The following C4BPB variants were observed in gnomAD, a reference collection of about 807,000 sequenced individuals.
C4BPB encodes C4b-binding protein beta chain.
C4BPB carries 19 observed loss-of-function variants against 26.6 expected under a neutral mutation model. The observed-to-expected ratio is 0.71, with a 90% CI of 0.50 to 1.05. The LOEUF is 1.05. C4BPB is among the 50% of genes least tolerant of loss of function. The pLI is 0.00. For missense variants in C4BPB, 282 were observed against 302.9 expected (o/e 0.93, Z 0.51); for synonymous variants, 118 against 103.5 (o/e 1.14, Z -0.85).
chr1:207,092,484 G>A (rs764011622), intron 4 of C4BPB, among the ~76,000 whole-genome samples: 50 of 151,802 alleles, frequency 3.3e-4, no homozygotes, highest in Admixed American at 1.6e-3. Flanking sequence ...TCTATTGCCC[G>A]CTATTTAATA....
At chr1:207,098,364 AT>A in intron 6 of C4BPB, 100 bp downstream of exon 6, 1 of 738,226 alleles carries the variant, frequency 1.4e-6, no homozygotes, top group Non-Finnish European at 2.3e-6. Context: ...AATGTGGGAC[AT>A]TTTGCTTTTG....
At chr1:207,099,669 C>A in intron 6 of C4BPB, 120 bp from the exon 7 acceptor site, 1 of 713,990 alleles carries the variant, frequency 1.4e-6, no homozygotes, top group Non-Finnish European at 2.3e-6. Context: ...CAAATCTTTA[C>A]TTAAGCTAGC....
At chr1:207,094,433 T>C (rs1162146042) in intron 4 of C4BPB, among the ~76,000 whole-genome samples, 1 of 152,242 alleles carries the variant, frequency 6.6e-6, no homozygotes, top group Non-Finnish European at 1.5e-5. Flanking sequence ...ATATATACAG[T>C]TAAATTACAT....
chr1:207,095,319 GC>G, intron 4 of C4BPB: 1 of 456,490 alleles, frequency 2.2e-6, no homozygotes. Flanking sequence ...TTCCCTTCCA[GC>G]CATGTTCTCC....
In C4BPB at chr1:207,099,988, C is replaced by T. The variant is rs1684406496; in HGVS notation, c.*59C>T. ...CTATGAATAAATTTTCTTCTTGGTTCTGAAATTGGTTTCAGATTTACCTCT... is the reference window on the plus strand; with the variant it reads ...CTATGAATAAATTTTCTTCTTGGTTTTGAAATTGGTTTCAGATTTACCTCT... On this transcript the variant is annotated 3_prime_UTR_variant, in exon 7 of 7. Transcript: ENST00000367078. 1 of 1,512,600 alleles carries T rather than the reference C, an allele frequency of 6.6e-7. No homozygotes were observed. Among genetic ancestry groups the T allele is most frequent in the Non-Finnish European group, 9.0e-7 (1 of 1,114,440 alleles). The allele number at this position is 1,512,600 out of a possible 1,614,324, so 93.7% of individuals were successfully genotyped here.
chr1:207,091,011 T>C (rs1290658279), intron 3 of C4BPB, among the ~76,000 whole-genome samples: 2 of 152,222 alleles, frequency 1.3e-5, no homozygotes, highest in African/African-American at 4.8e-5. Context: ...AATGTGATAA[T>C]TGAGATCCAG....
In C4BPB at chr1:207,098,005, A is replaced by T. The variant is rs41277172; in HGVS notation, c.504-145A>T. On this transcript the variant is annotated intron_variant, in intron 5 of 6. Coordinates refer to ENST00000367078, the MANE Select transcript of C4BPB (RefSeq NM_001017365.3). ...CTTTGAACTGCTTTGTAATACCGAG[A>T]TAACTTAAGCATGCATTGAGGCTCA... 1,640 of 652,540 alleles carry T rather than the reference A, an allele frequency of 2.5e-3. 6 individuals are homozygous for T. The highest frequency in any genetic ancestry group is 4.8e-3 in the South Asian group (256 of 53,376). The allele number at this position is 652,540 out of a possible 1,614,324, so 40.4% of individuals were successfully genotyped here. A position where few individuals can be genotyped will look rare whatever the true frequency, so the allele number is the denominator to read the frequency against.
intron 3 of C4BPB, among the ~76,000 whole-genome samples, chr1:207,091,380 CTT>C (rs1337315582): frequency 6.6e-6 from 1 of 152,178 alleles, no homozygotes; most frequent in Non-Finnish European, 1.5e-5. Context: ...CGATTGGTAA[CTT>C]TCAGTTACGT....
At position 207,099,961 on chromosome 1, in the gene C4BPB, A is replaced by T; in HGVS notation, c.*32A>T. On this transcript the variant is annotated 3_prime_UTR_variant, in exon 7 of 7. Transcript: ENST00000367078. ...AGCTGAGCAGATGTAATAGAAATAA[A>T]CCTATGAATAAATTTTCTTCTTGGT... 1 of 1,567,708 alleles carries T rather than the reference A, an allele frequency of 6.4e-7. No individual in the cohort carries two copies. The highest frequency in any genetic ancestry group is 8.6e-7 in the Non-Finnish European group (1 of 1,159,304).
In C4BPB at chr1:207,098,282, A is replaced by G; in HGVS notation, c.618+18A>G. The G allele has an allele frequency of 1.4e-6, 2 of 1,445,756 alleles. No individual in the cohort carries two copies. Among genetic ancestry groups the G allele is most frequent in the Non-Finnish European group, 1.9e-6 (2 of 1,026,542 alleles). The allele number at this position is 1,445,756 out of a possible 1,614,324, so 89.6% of individuals were successfully genotyped here. Reference sequence around the variant, plus strand: ...AGGCACTTGTAAGTAGGAGGCTCATATCTGTCTTGTTCACAGCTGGATCTC... The same window carrying G: ...AGGCACTTGTAAGTAGGAGGCTCATGTCTGTCTTGTTCACAGCTGGATCTC... On this transcript the variant is annotated intron_variant, in intron 6 of 6. Transcript: ENST00000367078.
Position 207,090,324 on chromosome 1 carries a change from G to A in C4BPB, c.75G>A (p.Glu25=), listed in dbSNP as rs2102302442. ...TTCTTCCAGCAGAGCACTGTCCAGA[G>A]CTTCCTCCAGTGGACAATAGCATAT... The part of the protein sequence containing the change: ...VSASDAEHCP[E]LPPVDNSIFV... Residue 25 remains glutamate, a synonymous_variant, in exon 3 of 7, where the codon GAG becomes GAA. Transcript: ENST00000367078. 1 of 1,612,922 alleles carries A rather than the reference G, an allele frequency of 6.2e-7. No individual in the cohort carries two copies. The highest frequency in any genetic ancestry group is 1.1e-5 in the South Asian group (1 of 90,918).
intron 1 of C4BPB, 84 bp from the exon 2 acceptor site, chr1:207,089,398 A>T (rs1343019906): frequency 1.5e-6 from 1 of 667,714 alleles, no homozygotes. Context: ...CAGGGAGGGT[A>T]AATCAATATA....
In C4BPB at chr1:207,090,465, C is replaced by A; in HGVS notation, c.216C>A (p.Thr72=). 1 of 1,610,856 alleles carries A rather than the reference C, an allele frequency of 6.2e-7. No homozygotes were observed. The change falls in exon 3 of 7, where the codon ACC becomes ACA. Residue 72 remains threonine, a synonymous_variant. Coordinates refer to ENST00000367078, the MANE Select transcript of C4BPB (RefSeq NM_001017365.3). The part of the protein sequence containing the change: ...FCNASKEWDN[T]TTECRLGHCP... Reference sequence around the variant, plus strand: ...ATGCCTCTAAGGAGTGGGATAACACCACTACTGAGTGCCGCTGTAAGTTAG... The same window carrying A: ...ATGCCTCTAAGGAGTGGGATAACACAACTACTGAGTGCCGCTGTAAGTTAG...
chr1:207,090,132 G>T (rs143069723), intron 2 of C4BPB, among the ~76,000 whole-genome samples, 176 bp from the exon 3 acceptor site: 1 of 152,168 alleles, frequency 6.6e-6, no homozygotes, highest in Non-Finnish European at 1.5e-5. Flanking sequence ...TTAGCTGGGC[G>T]TGGTGGCGGG....
At position 207,090,348 on chromosome 1, in the gene C4BPB, A is replaced by G. The variant is rs746188975; in HGVS notation, c.99A>G (p.Ile33Met). The change falls in exon 3 of 7, where the codon ATA becomes ATG. Residue 33 changes from isoleucine (I) to methionine (M), a missense_variant. Transcript: ENST00000367078. ...AGCTTCCTCCAGTGGACAATAGCATATTTGTCGCAAAGGAGGTGGAAGGAC... is the reference window on the plus strand; with the variant it reads ...AGCTTCCTCCAGTGGACAATAGCATGTTTGTCGCAAAGGAGGTGGAAGGAC... ...CPELPPVDNS[I>M]FVAKEVEGQI... 1 of 1,613,816 alleles carries G rather than the reference A, an allele frequency of 6.2e-7. No individual in the cohort carries two copies. Among genetic ancestry groups the G allele is most frequent in the South Asian group, 1.1e-5 (1 of 91,042 alleles).
rs773791430 is a variant in C4BPB at position 207,089,494 on chromosome 1, G to T, written c.-38G>T. 4 of 1,602,860 alleles carry T rather than the reference G, an allele frequency of 2.5e-6. No individual in the cohort carries two copies. The Admixed American group carries it at 5.0e-5, about 20-fold the overall frequency. On this transcript the variant is annotated 5_prime_UTR_variant, in exon 2 of 7. Transcript: ENST00000367078. The stretch of plus-strand genomic sequence containing the variant: ...TTTTTCAAACCAGGTGTCTGAGCTG[G>T]GTGAATTCCAGCCTGGGGAGAGGAC...
intron 4 of C4BPB, chr1:207,095,466 G>A: frequency 2.2e-6 from 1 of 454,910 alleles, no homozygotes; most frequent in South Asian, 1.6e-5. Context: ...AAGTAGCTGG[G>A]ATTACAGGTG....
chr1:207,096,244 G>A (rs1250547312), intron 4 of C4BPB: 1 of 378,780 alleles, frequency 2.6e-6, no homozygotes, highest in Non-Finnish European at 4.8e-6. Flanking sequence ...TTCTTTCCTT[G>A]AGCTCCTGCT....
At position 207,096,473 on chromosome 1, in the gene C4BPB, G is replaced by A. The variant is rs775978668; in HGVS notation, c.410-49G>A. The A allele has an allele frequency of 4.5e-6, 5 of 1,110,906 alleles. No homozygotes were observed. The South Asian group carries it at 5.0e-5, about 11-fold the overall frequency. The allele number at this position is 1,110,906 out of a possible 1,614,324, so 68.8% of individuals were successfully genotyped here. A position where few individuals can be genotyped will look rare whatever the true frequency, so the allele number is the denominator to read the frequency against. On this transcript the variant is annotated intron_variant, in intron 4 of 6. Transcript: ENST00000367078. ...GCTGCAATTAGGGGTGCTGTTCATT[G>A]AGCGTGCCTGGCCCTCATAACTATG...
Sources: allele counts gnomAD v4.1 joint callset (sites outside exome capture counted in the v4.1 genomes callset), GRCh38; gene constraint gnomAD v4.1.1; transcripts MANE v1.5; gene names NCBI Gene and HGNC (gene_info 2026-07-23, HGNC 2026-07-21).